The following IPO13 variants were observed in gnomAD, a reference collection of about 807,000 sequenced individuals.
The protein encoded by IPO13 is importin-13.
Under a neutral mutation model 115.5 loss-of-function variants are expected in IPO13, and 28 were observed. That is an observed-to-expected ratio of 0.24 (90% CI 0.18 to 0.33). The LOEUF is 0.33. Among genes scored for constraint, IPO13 ranks in the 10% least tolerant of loss-of-function variants. The pLI is 1.00. For missense variants in IPO13, 785 were observed against 1,204.6 expected (o/e 0.65, Z 5.16); for synonymous variants, 414 against 478.9 (o/e 0.86, Z 1.77).
In IPO13 at chr1:43,956,344, C is replaced by T. The variant is rs1190685992; in HGVS notation, c.846C>T (p.Leu282=). ...AQRYVNTLLK[L]IPLVLGLQEQ... ...GGTACGTGAACACACTCCTGAAACT[C>T]ATCCCGCTGGTGCTGGGTCTGCAGG... is the stretch of plus-strand genomic sequence containing the variant. The change falls in exon 3 of 20, where the codon CTC becomes CTT. Residue 282 remains leucine, a synonymous_variant. Coordinates refer to ENST00000372343, the MANE Select transcript of IPO13 (RefSeq NM_014652.4). The surrounding 1 kb of genome is among the most constrained non-coding windows in gnomAD (Gnocchi z 4.7). The T allele has an allele frequency of 3.1e-6, 5 of 1,614,106 alleles. No homozygotes were observed. The highest frequency in any genetic ancestry group is 1.3e-5 in the African/African-American group (1 of 74,934).
At position 43,947,112 on chromosome 1, in the gene IPO13, T is replaced by C. The variant is rs1571759402; in HGVS notation, c.-489T>C. Reference sequence around the variant, plus strand: ...AGCGGAGCTGCATCTCCGCGCTTCGTTGGACGCCTCCGTAACCACGAAGGG... The same window carrying C: ...AGCGGAGCTGCATCTCCGCGCTTCGCTGGACGCCTCCGTAACCACGAAGGG... On this transcript the variant is annotated 5_prime_UTR_variant, in exon 1 of 20. Coordinates refer to ENST00000372343, the MANE Select transcript of IPO13 (RefSeq NM_014652.4). 5.0e-6 allele frequency: 2 copies of C among 398,830 alleles called. No individual in the cohort carries two copies. Among genetic ancestry groups the C allele is most frequent in the Non-Finnish European group, 8.8e-6 (2 of 226,324 alleles). The allele number at this position is 398,830 out of a possible 1,614,324, so 24.7% of individuals were successfully genotyped here.
Position 43,962,633 on chromosome 1 carries a change from C to T in IPO13, c.2344+1371C>T, listed in dbSNP as rs117563857. 3.9e-5 allele frequency among the ~76,000 whole-genome samples: 6 copies of T among 152,296 alleles called. No homozygotes were observed. In the East Asian group the frequency reaches 1.2e-3, roughly 29 times the overall value. On this transcript the variant is annotated intron_variant, in intron 14 of 19. Coordinates refer to ENST00000372343, the MANE Select transcript of IPO13 (RefSeq NM_014652.4). ...TCCCATTTGATCCCTGTGCCTTGCT[C>T]CTCTGACTGGAATGTCCTATGCCCT...
At chr1:43,964,951 A>G (rs1380151171) in intron 15 of IPO13, among the ~76,000 whole-genome samples, 1 of 152,132 alleles carries the variant, frequency 6.6e-6, no homozygotes, top group African/African-American at 2.4e-5. Flanking sequence ...AATCACCTGT[A>G]AGTAGTATGT....
rs1023590278 is a variant in IPO13 at position 43,947,006 on chromosome 1, G to A, written c.-595G>A. The A allele has an allele frequency of 5.8e-5, 23 of 398,664 alleles. No individual in the cohort carries two copies. The highest frequency in any genetic ancestry group is 4.0e-5 in the Non-Finnish European group (9 of 226,166). 24.7% of individuals were successfully genotyped at this position (398,664 alleles called of 1,614,324 possible). A position where few individuals can be genotyped will look rare whatever the true frequency, so the allele number is the denominator to read the frequency against. ...GCGGCTGTAGCGGGGCTGTAGCCGG[G>A]CGTTGAGCACAGCGCGGGCCAGGCC... On this transcript the variant is annotated 5_prime_UTR_variant, in exon 1 of 20. Transcript: ENST00000372343.
At chr1:43,951,849 G>T (rs182893347) in intron 2 of IPO13, among the ~76,000 whole-genome samples, 5 of 152,276 alleles carry the variant, frequency 3.3e-5, no homozygotes, top group Admixed American at 1.3e-4. Flanking sequence ...ATCCCAGATG[G>T]TTCACTTATT....
rs1253985130 is a variant in IPO13, at chr1:43,966,265, C to T, written c.2398-310C>T. On this transcript the variant is annotated intron_variant, in intron 15 of 19. Coordinates refer to ENST00000372343, the MANE Select transcript of IPO13 (RefSeq NM_014652.4). The surrounding 1 kb of genome is among the most constrained non-coding windows in gnomAD (Gnocchi z 4.1). ...TGGCAACCTAGAGCCTGCGAGACAT[C>T]TGGCCCTGATGGAGGGGGAGGGAAA... is the stretch of plus-strand genomic sequence containing the variant. 4.1e-6 allele frequency: 2 copies of T among 492,106 alleles called. No individual in the cohort carries two copies. Among genetic ancestry groups the T allele is most frequent in the African/African-American group, 3.9e-5 (2 of 51,550 alleles). The allele number at this position is 492,106 out of a possible 1,614,324, so 30.5% of individuals were successfully genotyped here.
intron 14 of IPO13, 23 bp from the exon 15 acceptor site, chr1:43,964,246 G>A (rs2085307855): frequency 6.4e-7 from 1 of 1,571,694 alleles, no homozygotes; most frequent in Non-Finnish European, 8.7e-7. Flanking sequence ...TTTTTCTTAA[G>A]TTCCATCTTT....
At position 43,960,885 on chromosome 1, in the gene IPO13, G is replaced by C. The variant is rs1478063179; in HGVS notation, c.2119G>C (p.Ala707Pro). 1 of 1,614,142 alleles carries C rather than the reference G, an allele frequency of 6.2e-7. No homozygotes were observed. Among genetic ancestry groups the C allele is most frequent in the Non-Finnish European group, 8.5e-7 (1 of 1,180,042 alleles). ...NDAQVVEAVC[A>P]IFEKSVKTLL... ...TTGCTTTCTTCCCAAGGCGGTGTGC[G>C]CTATCTTTGAGAAGTCTGTTAAGAC... Residue 707 changes from alanine (A) to proline (P), a missense_variant, in exon 13 of 20, where the codon GCT becomes CCT. This residue lies in a region of IPO13 where 285 missense variants were observed against 394.8 expected (regional missense o/e 0.72). Transcript: ENST00000372343.
rs775021377 is a variant in IPO13, at chr1:43,957,487, G to T, written c.1478G>T (p.Gly493Val). The T allele has an allele frequency of 6.2e-7, 1 of 1,614,200 alleles. No individual in the cohort carries two copies. The change falls in exon 7 of 20, where the codon GGC (glycine) becomes GTC (valine). Residue 493 changes from glycine to valine, a missense_variant. By Grantham distance (109) the Gly-to-Val change is moderately radical. Transcript: ENST00000372343. ...TCTGATGTGGTGCCTGGGCTCATTG[G>T]CCTCATCCCACGGATCAGCATCAGC... is the stretch of plus-strand genomic sequence containing the variant. The part of the protein sequence containing the change: ...NYSDVVPGLI[G>V]LIPRISISNV...
chr1:43,956,357 C>G lies in IPO13; in HGVS notation c.859C>G (p.Leu287Val), dbSNP rs769331497. ...ACTCCTGAAACTCATCCCGCTGGTG[C>G]TGGGTCTGCAGGAACAACTGCGGCA... ...NTLLKLIPLV[L>V]GLQEQLRQAV... Residue 287 changes from leucine (L) to valine (V), a missense_variant, in exon 3 of 20, where the codon CTG becomes GTG. Leu to Val is a conservative substitution (Grantham distance 32). Transcript: ENST00000372343. This position sits in a 1 kb window ranked among gnomAD's most constrained non-coding sequence, Gnocchi z 4.7. The G allele has an allele frequency of 1.2e-6, 2 of 1,614,208 alleles. No homozygotes were observed. The highest frequency in any genetic ancestry group is 2.2e-5 in the South Asian group (2 of 91,080).
At chr1:43,963,407 A>G (rs1223091647) in intron 14 of IPO13, among the ~76,000 whole-genome samples, 1 of 152,178 alleles carries the variant, frequency 6.6e-6, no homozygotes, top group African/African-American at 2.4e-5. Context: ...TGCCATCCCA[A>G]TCTTAGCCAT....
At position 43,952,175 on chromosome 1, in the gene IPO13, A is replaced by G. The variant is rs867078926; in HGVS notation, c.821+2022A>G. ...TGTGATCAGTTAATGGTAATTGTTT[A>G]TTTATTTATTTTGAGACAGAGTCTC... On this transcript the variant is annotated intron_variant, in intron 2 of 19. Coordinates refer to ENST00000372343, the MANE Select transcript of IPO13 (RefSeq NM_014652.4). This position sits in a 1 kb window ranked among gnomAD's most constrained non-coding sequence, Gnocchi z 4.7. Among the ~76,000 whole-genome samples, 9 of 152,106 alleles carry G rather than the reference A, an allele frequency of 5.9e-5. No individual in the cohort carries two copies. The highest frequency in any genetic ancestry group is 1.7e-4 in the African/African-American group (7 of 41,494).
Position 43,947,091 on chromosome 1 carries a change from G to A in IPO13, c.-510G>A, listed in dbSNP as rs1309114344. The stretch of plus-strand genomic sequence containing the variant: ...ACGGACTCTTCGCCCTAGACTAGCG[G>A]AGCTGCATCTCCGCGCTTCGTTGGA... On this transcript the variant is annotated 5_prime_UTR_variant, in exon 1 of 20. Coordinates refer to ENST00000372343, the MANE Select transcript of IPO13 (RefSeq NM_014652.4). The A allele has an allele frequency of 2.5e-6, 1 of 398,854 alleles. No homozygotes were observed. Among genetic ancestry groups the A allele is most frequent in the Admixed American group, 4.4e-5 (1 of 22,730 alleles). The allele number at this position is 398,854 out of a possible 1,614,324, so 24.7% of individuals were successfully genotyped here. A position where few individuals can be genotyped will look rare whatever the true frequency, so the allele number is the denominator to read the frequency against.
At chr1:43,960,796 G>A (rs2154302328) in intron 12 of IPO13, 80 bp from the exon 13 acceptor site, 2 of 1,552,018 alleles carry the variant, frequency 1.3e-6, no homozygotes, top group South Asian at 2.3e-5. Flanking sequence ...CCCAATCGTA[G>A]GCCCCCTCTG....
intron 11 of IPO13, among the ~76,000 whole-genome samples, chr1:43,959,219 T>C (rs2085273321): frequency 6.6e-6 from 1 of 152,226 alleles, no homozygotes; most frequent in Non-Finnish European, 1.5e-5. Context: ...TATGGGCCCC[T>C]GTTCAACCCC....
Position 43,958,685 on chromosome 1 carries a change from A to G in IPO13, c.1885-61A>G. The G allele has an allele frequency of 6.2e-7, 1 of 1,612,654 alleles. No homozygotes were observed. The highest frequency in any genetic ancestry group is 8.5e-7 in the Non-Finnish European group (1 of 1,178,852). On this transcript the variant is annotated intron_variant, in intron 10 of 19. Coordinates refer to ENST00000372343, the MANE Select transcript of IPO13 (RefSeq NM_014652.4). The surrounding 1 kb of genome is among the most constrained non-coding windows in gnomAD (Gnocchi z 6.3). ...GAGCTGGCCCTCAGAGCTGAGGCTC[A>G]GTGATCTGGGGACCAAACTGGGGCT... is the stretch of plus-strand genomic sequence containing the variant.
chr1:43,954,007 G>C (rs1415073706), intron 2 of IPO13, among the ~76,000 whole-genome samples: 1 of 152,232 alleles, frequency 6.6e-6, no homozygotes, highest in Non-Finnish European at 1.5e-5. Flanking sequence ...TCCTTGATTT[G>C]TCCTATTTTG....
In IPO13 at chr1:43,967,052, T is replaced by A; in HGVS notation, c.2613+33T>A. 5.1e-6 allele frequency: 8 copies of A among 1,563,148 alleles called. No homozygotes were observed. The highest frequency in any genetic ancestry group is 2.2e-5 in the South Asian group (2 of 89,994). On this transcript the variant is annotated intron_variant, in intron 18 of 19. Coordinates refer to ENST00000372343, the MANE Select transcript of IPO13 (RefSeq NM_014652.4). The surrounding 1 kb of genome is among the most constrained non-coding windows in gnomAD (Gnocchi z 6.1). ...GGAGCAAAGGGGGGTTTGATGGGGG[T>A]GAGGGCCCCTCACTGCTGAGGCAGC...
chr1:43,950,378 C>CT (rs1246121539), intron 2 of IPO13, among the ~76,000 whole-genome samples: 4 of 152,166 alleles, frequency 2.6e-5, no homozygotes, highest in Middle Eastern at 3.2e-3. Flanking sequence ...ATTTGACTCT[C>CT]TTTTCCTTCT....
Sources: gnomAD v4.1 joint callset for allele counts (sites outside exome capture counted in the v4.1 genomes callset) on GRCh38, gnomAD v4.1.1 for gene constraint, gnomAD v4.1.1 regional missense constraint, Gnocchi (gnomAD v3.1) non-coding constraint, MANE v1.5 for transcripts, NCBI Gene and HGNC (gene_info 2026-07-23, HGNC 2026-07-21) for gene names.